FOXK1: variants seen among roughly 807,000 people sequenced by gnomAD.
The protein encoded by FOXK1 is forkhead box K1, also known as forkhead box protein K1.
In FOXK1, 19 loss-of-function variants were observed where a neutral mutation model predicts 51.9. The ratio of observed to expected loss-of-function variants is 0.37; its 90% confidence interval spans 0.26 to 0.54. The LOEUF is 0.54. FOXK1 is among the 20% of genes least tolerant of loss of function. FOXK1 has a pLI of 0.87. For synonymous variants in FOXK1, 537 were observed against 482.6 expected (o/e 1.11, Z -1.48); for missense variants, 870 against 1,032.7 (o/e 0.84, Z 2.16).
rs1302638259 is a variant in FOXK1, at chr7:4,761,038, G to A, written c.1697-26G>A. The A allele has an allele frequency of 1.3e-6, 2 of 1,598,034 alleles. No homozygotes were observed. Among genetic ancestry groups the A allele is most frequent in the East Asian group, 4.5e-5 (2 of 44,508 alleles). The stretch of plus-strand genomic sequence containing the variant: ...TCGATTGTCTCGTTGGCCGAGTGTG[G>A]TGCTGACTTGGTTCCTGTCCCGCAG... On this transcript the variant is annotated intron_variant, in intron 7 of 8. Transcript: ENST00000328914. The surrounding 1 kb of genome is among the most constrained non-coding windows in gnomAD (Gnocchi z 6.2).
Position 4,756,854 on chromosome 7 carries a change from CCAGCCAGCA to C in FOXK1, c.1051-135_1051-127del. ...TGCCTCGGTGCTGCTCCCGTGAGGC[CCAGCCAGCA>C]CAGCACCAAGGGCTCTGCACAGAGG... On this transcript the variant is annotated intron_variant, in intron 4 of 8. Coordinates refer to ENST00000328914, the MANE Select transcript of FOXK1 (RefSeq NM_001037165.2). The surrounding 1 kb of genome is among the most constrained non-coding windows in gnomAD (Gnocchi z 4.1). The C allele has an allele frequency of 1.2e-6, 1 of 851,236 alleles. No homozygotes were observed. The highest frequency in any genetic ancestry group is 1.8e-6 in the Non-Finnish European group (1 of 561,682). The allele number at this position is 851,236 out of a possible 1,614,324, so 52.7% of individuals were successfully genotyped here.
At chr7:4,721,589 CTTTTTTTTTT>C (rs200132324) in intron 1 of FOXK1, among the ~76,000 whole-genome samples, 2 of 112,656 alleles carry the variant, frequency 1.8e-5, no homozygotes, top group Non-Finnish European at 3.5e-5. Context: ...TCTTTTTTTT[CTTTTTTTTTT>C]TTTTTTTTTG....
At position 4,683,058 on chromosome 7, in the gene FOXK1, G is replaced by A. The variant is rs1779773504; in HGVS notation, c.560+190G>A. Among the ~76,000 whole-genome samples the A allele has an allele frequency of 6.7e-6, 1 of 148,314 alleles. No individual in the cohort carries two copies. The highest frequency in any genetic ancestry group is 2.5e-5 in the African/African-American group (1 of 39,956). ...CGACCCCCGCCTCCTGGCTCCCTAG[G>A]ATCACCCCGACCCCGATCCTGGAGG... is the stretch of plus-strand genomic sequence containing the variant. On this transcript the variant is annotated intron_variant, in intron 1 of 8. Coordinates refer to ENST00000328914, the MANE Select transcript of FOXK1 (RefSeq NM_001037165.2). This position sits in a 1 kb window ranked among gnomAD's most constrained non-coding sequence, Gnocchi z 4.5.
Position 4,753,286 on chromosome 7 carries a change from G to C in FOXK1, c.747-1173G>C, listed in dbSNP as rs996081960. On this transcript the variant is annotated intron_variant, in intron 2 of 8. Coordinates refer to ENST00000328914, the MANE Select transcript of FOXK1 (RefSeq NM_001037165.2). This position sits in a 1 kb window ranked among gnomAD's most constrained non-coding sequence, Gnocchi z 4.9. ...TTGAGCCCCGCCTGCACCCAAGGGGGCTCCTACTTAACCTAAGTTTTGGAG... is the reference window on the plus strand; with the variant it reads ...TTGAGCCCCGCCTGCACCCAAGGGGCCTCCTACTTAACCTAAGTTTTGGAG... 1.3e-5 allele frequency among the ~76,000 whole-genome samples: 2 copies of C among 152,218 alleles called. No individual in the cohort carries two copies. Among genetic ancestry groups the C allele is most frequent in the Non-Finnish European group, 2.9e-5 (2 of 68,036 alleles).
intron 1 of FOXK1, among the ~76,000 whole-genome samples, chr7:4,686,071 T>A (rs73303328): frequency 0.089 from 13,553 of 152,270 alleles, 1,197 homozygotes; most frequent in African/African-American, 0.23. Flanking sequence ...TCACCCTGAA[T>A]GGGAAATTCA....
intron 1 of FOXK1, among the ~76,000 whole-genome samples, chr7:4,714,260 G>A (rs1780207993): frequency 6.6e-6 from 1 of 152,014 alleles, no homozygotes; most frequent in African/African-American, 2.4e-5. Context: ...ATCTTTTCAT[G>A]TTGACCCTAT....
At chr7:4,718,564 A>G (rs765027893) in intron 1 of FOXK1, among the ~76,000 whole-genome samples, 28 of 152,194 alleles carry the variant, frequency 1.8e-4, no homozygotes, top group Non-Finnish European at 3.5e-4. Context: ...GTGAGCAACC[A>G]TGCTTAGGTT....
At chr7:4,754,928 C>A (rs552265107) in intron 3 of FOXK1, 3 of 566,724 alleles carry the variant, frequency 5.3e-6, no homozygotes, top group African/African-American at 3.7e-5. Flanking sequence ...AGCAGGATGG[C>A]GTTCTCCTTA....
rs572225253 is a variant in FOXK1 at position 4,755,584 on chromosome 7, T to C, written c.1050+201T>C. Among the ~76,000 whole-genome samples the C allele has an allele frequency of 5.3e-5, 8 of 152,192 alleles. No homozygotes were observed. Among genetic ancestry groups the C allele is most frequent in the African/African-American group, 1.7e-4 (7 of 41,530 alleles). On this transcript the variant is annotated intron_variant, in intron 4 of 8. Transcript: ENST00000328914. This position sits in a 1 kb window ranked among gnomAD's most constrained non-coding sequence, Gnocchi z 6.6. Reference sequence around the variant, plus strand: ...AGAGAACCTCTTTTCTACTAAAAATTAGCTGAGTGTGGTGGTGCACACCTG... The same window carrying C: ...AGAGAACCTCTTTTCTACTAAAAATCAGCTGAGTGTGGTGGTGCACACCTG...
rs1400072391 is a variant in FOXK1 at position 4,723,067 on chromosome 7, A to C, written c.561-17771A>C. Among the ~76,000 whole-genome samples the C allele has an allele frequency of 6.6e-6, 1 of 152,002 alleles. No individual in the cohort carries two copies. Among genetic ancestry groups the C allele is most frequent in the Non-Finnish European group, 1.5e-5 (1 of 68,014 alleles). ...CTGTATCAGCTTGTGATCCCGAACA[A>C]AAACCCGTCTTCCCAAGCCTGTTGA... On this transcript the variant is annotated intron_variant, in intron 1 of 8. Coordinates refer to ENST00000328914, the MANE Select transcript of FOXK1 (RefSeq NM_001037165.2). The surrounding 1 kb of genome is among the most constrained non-coding windows in gnomAD (Gnocchi z 4.7).
chr7:4,701,709 C>A (rs1175712248), intron 1 of FOXK1, among the ~76,000 whole-genome samples: 1 of 152,190 alleles, frequency 6.6e-6, no homozygotes, highest in Non-Finnish European at 1.5e-5. Context: ...CTGGCTAACA[C>A]GGTGAAACCG....
Position 4,759,482 on chromosome 7 carries a change from T to A in FOXK1, c.1583T>A (p.Val528Asp), listed in dbSNP as rs766973977. Residue 528 changes from valine to aspartate, a missense_variant, in exon 7 of 9, where the codon GTC becomes GAC. Val to Asp is a radical substitution (Grantham distance 152). This residue lies in a region of FOXK1 where 457 missense variants were observed against 510.8 expected (regional missense o/e 0.89). Coordinates refer to ENST00000328914, the MANE Select transcript of FOXK1 (RefSeq NM_001037165.2). ...QAPTVTMVRV[V>D]TTSANSANGY... ...CCCACCGTCACCATGGTCAGGGTGG[T>A]CACCACATCTGCCAACTCGGCCAAC... 6.3e-7 allele frequency: 1 copy of A among 1,585,008 alleles called. No homozygotes were observed. The highest frequency in any genetic ancestry group is 8.5e-7 in the Non-Finnish European group (1 of 1,171,086).
chr7:4,716,249 G>T (rs537231458), intron 1 of FOXK1, among the ~76,000 whole-genome samples: 1 of 151,222 alleles, frequency 6.6e-6, no homozygotes, highest in South Asian at 2.1e-4. Flanking sequence ...AAAAAAGAAA[G>T]AAAGAAATAC....
rs565487509 is a variant in FOXK1, at chr7:4,709,761, C to A, written c.560+26893C>A. ...TCCACAGTGTCATGATAATTCTTGGCGTTGAGTGACCTCACGATGTGCTGT... is the reference window on the plus strand; with the variant it reads ...TCCACAGTGTCATGATAATTCTTGGAGTTGAGTGACCTCACGATGTGCTGT... On this transcript the variant is annotated intron_variant, in intron 1 of 8. Coordinates refer to ENST00000328914, the MANE Select transcript of FOXK1 (RefSeq NM_001037165.2). The surrounding 1 kb of genome is among the most constrained non-coding windows in gnomAD (Gnocchi z 5.6). 6.6e-6 allele frequency among the ~76,000 whole-genome samples: 1 copy of A among 152,198 alleles called. No homozygotes were observed. Among genetic ancestry groups the A allele is most frequent in the Non-Finnish European group, 1.5e-5 (1 of 68,036 alleles).
rs907628130 is a variant in FOXK1, at chr7:4,765,690, C to G, written c.*3226C>G. 1 of 152,198 alleles carries G rather than the reference C, an allele frequency of 6.6e-6. No homozygotes were observed. Among genetic ancestry groups the G allele is most frequent in the South Asian group, 2.1e-4 (1 of 4,834 alleles). 9.4% of individuals were successfully genotyped at this position (152,198 alleles called of 1,614,324 possible). A position where few individuals can be genotyped will look rare whatever the true frequency, so the allele number is the denominator to read the frequency against. On this transcript the variant is annotated 3_prime_UTR_variant, in exon 9 of 9. Coordinates refer to ENST00000328914, the MANE Select transcript of FOXK1 (RefSeq NM_001037165.2). The stretch of plus-strand genomic sequence containing the variant: ...AGGGCCCCTCCTGCTTTGCCCTGTT[C>G]GGAAAGGGGCTCCCTCAGAGCCCCT...
In FOXK1 at chr7:4,727,446, G is replaced by C. The variant is rs553823217; in HGVS notation, c.561-13392G>C. On this transcript the variant is annotated intron_variant, in intron 1 of 8. Transcript: ENST00000328914. Reference sequence around the variant, plus strand: ...TTCTTGTGCCTCAGCCTCTGGAGTAGCTGGGATTACAGGCATGCAGCACCA... The same window carrying C: ...TTCTTGTGCCTCAGCCTCTGGAGTACCTGGGATTACAGGCATGCAGCACCA... Among the ~76,000 whole-genome samples the C allele has an allele frequency of 9.9e-5, 15 of 152,248 alleles. No homozygotes were observed. In the East Asian group the frequency reaches 2.1e-3, roughly 22 times the overall value.
rs1368466693 is a variant in FOXK1, at chr7:4,764,624, C to T, written c.*2160C>T. ...GTGCCTGTGTGGCCTGAGCCGGCGC[C>T]CTCCCGGGAGCGCCCGTCACGGGGG... On this transcript the variant is annotated 3_prime_UTR_variant, in exon 9 of 9. Coordinates refer to ENST00000328914, the MANE Select transcript of FOXK1 (RefSeq NM_001037165.2). 6.5e-6 allele frequency: 1 copy of T among 152,986 alleles called. No homozygotes were observed. The highest frequency in any genetic ancestry group is 1.5e-5 in the Non-Finnish European group (1 of 68,758). 9.5% of individuals were successfully genotyped at this position (152,986 alleles called of 1,614,324 possible).
At chr7:4,717,193 G>A (rs1780246144) in intron 1 of FOXK1, among the ~76,000 whole-genome samples, 1 of 150,858 alleles carries the variant, frequency 6.6e-6, no homozygotes, top group South Asian at 2.1e-4. Flanking sequence ...ATGACTGGGA[G>A]GTGTGTGGCT....
chr7:4,757,634 CAAAAAAAAA>C (rs59200954), intron 5 of FOXK1, among the ~76,000 whole-genome samples: 130 of 20,196 alleles, frequency 6.4e-3, no homozygotes, highest in African/African-American at 0.01. Flanking sequence ...AACTCCGTCT[CAAAAAAAAA>C]AAAAAAAAAA....
Sources: allele counts gnomAD v4.1 joint callset (sites outside exome capture counted in the v4.1 genomes callset), GRCh38; gene constraint gnomAD v4.1.1; regional missense constraint gnomAD v4.1.1; non-coding constraint Gnocchi (gnomAD v3.1); transcripts MANE v1.5; gene names NCBI Gene and HGNC (gene_info 2026-07-23, HGNC 2026-07-21).